Variants in CSRP2 observed in about 807,000 individuals in gnomAD.
CSRP2 encodes cysteine and glycine-rich protein 2.
In CSRP2, 18 loss-of-function variants were observed where a neutral mutation model predicts 24.6. That is an observed-to-expected ratio of 0.73 (90% CI 0.51 to 1.09). CSRP2 has a LOEUF of 1.09. Ranked by LOEUF, CSRP2 falls within the 50% of genes least tolerant of loss-of-function variation. CSRP2 has a pLI of 0.00. For missense variants in CSRP2, 215 were observed against 239.4 expected (o/e 0.90, Z 0.67); for synonymous variants, 87 against 84.3 (o/e 1.03, Z -0.18).
intron 1 of CSRP2, among the ~76,000 whole-genome samples, chr12:76,875,647 T>G (rs1267735027): frequency 6.6e-6 from 1 of 152,236 alleles, no homozygotes; most frequent in African/African-American, 2.4e-5. Context: ...TTTGATCTGC[T>G]AGTTTTCTCA....
intron 1 of CSRP2, among the ~76,000 whole-genome samples, chr12:76,867,810 G>T (rs994266263): frequency 2.0e-5 from 3 of 151,204 alleles, no homozygotes; most frequent in Non-Finnish European, 4.4e-5. Flanking sequence ...GAAACAGAGT[G>T]CTACTAAGTA....
rs369517609 is a variant in CSRP2 at position 76,860,407 on chromosome 12, C to T, written c.288G>A (p.Gln96=). 6 of 1,606,372 alleles carry T rather than the reference C, an allele frequency of 3.7e-6. No homozygotes were observed. Among genetic ancestry groups the T allele is most frequent in the Non-Finnish European group, 5.1e-6 (6 of 1,177,660 alleles). ...TTGGATTTGTTGTAGGCCTGTGAGG[C>T]TGAACACTTGTGAAAAGAGGAAAAA... ...ERLGIKPESV[Q]PHRPTTNPNT... is the part of the protein sequence containing the mutation. Residue 96 remains glutamine (Q), a synonymous_variant, in exon 4 of 6, where the codon CAG becomes CAA. Coordinates refer to ENST00000311083, the MANE Select transcript of CSRP2 (RefSeq NM_001321.3).
At chr12:76,872,095 G>A (rs1487868132) in intron 1 of CSRP2, among the ~76,000 whole-genome samples, 1 of 152,176 alleles carries the variant, frequency 6.6e-6, no homozygotes, top group African/African-American at 2.4e-5. Context: ...ATAAAATAGG[G>A]CAAATTCTGT....
At position 76,873,664 on chromosome 12, in the gene CSRP2, C is replaced by A. The variant is rs988872694; in HGVS notation, c.-2+5274G>T. Among the ~76,000 whole-genome samples, 11 of 152,180 alleles carry A rather than the reference C, an allele frequency of 7.2e-5. 1 individual carries two copies. Among genetic ancestry groups the A allele is most frequent in the Admixed American group, 6.5e-4 (10 of 15,278 alleles). On this transcript the variant is annotated intron_variant, in intron 1 of 5. Coordinates refer to ENST00000311083, the MANE Select transcript of CSRP2 (RefSeq NM_001321.3). ...TTTAGAGAGTTAAGAACAGTACCATCTTTATAGAGTTATAGATGAGGTAAC... is the reference window on the plus strand; with the variant it reads ...TTTAGAGAGTTAAGAACAGTACCATATTTATAGAGTTATAGATGAGGTAAC...
At chr12:76,859,468 TTA>T in intron 5 of CSRP2, 77 bp downstream of exon 5, 1 of 932,354 alleles carries the variant, frequency 1.1e-6, no homozygotes, top group Non-Finnish European at 1.6e-6. Flanking sequence ...TTTTTTTTTT[TTA>T]ATGCCAGTGA....
At chr12:76,864,101 A>G (rs907641397) in intron 2 of CSRP2, 1 of 152,224 alleles carries the variant, frequency 6.6e-6, no homozygotes, top group Non-Finnish European at 1.5e-5. Context: ...CTCTTGCCAC[A>G]GGACATTTCC....
chr12:76,871,763 C>A (rs1299517790), intron 1 of CSRP2, among the ~76,000 whole-genome samples: 8 of 122,912 alleles, frequency 6.5e-5, no homozygotes, highest in Admixed American at 1.6e-4. Flanking sequence ...GACTCCGACT[C>A]AAAAAAAAAA....
At chr12:76,869,578 A>ACACACC (rs1420575005) in intron 1 of CSRP2, among the ~76,000 whole-genome samples, 127 of 138,890 alleles carry the variant, frequency 9.1e-4, no homozygotes, top group Non-Finnish European at 1.7e-3. Flanking sequence ...ACACACACAC[A>ACACACC]CCCCTGACTG....
intron 1 of CSRP2, among the ~76,000 whole-genome samples, chr12:76,877,400 C>A (rs77403310): frequency 0.017 from 2,522 of 152,296 alleles, 21 homozygotes; most frequent in Non-Finnish European, 0.027. Flanking sequence ...CGGAGAAATG[C>A]ATTAAAAATT....
chr12:76,867,495 C>T (rs952479778), intron 1 of CSRP2, among the ~76,000 whole-genome samples: 2 of 151,992 alleles, frequency 1.3e-5, no homozygotes, highest in East Asian at 1.9e-4. Context: ...GGCGACAGAG[C>T]GAGACTCTGA....
chr12:76,867,323 T>C (rs1239628724), intron 1 of CSRP2, among the ~76,000 whole-genome samples: 1 of 131,154 alleles, frequency 7.6e-6, no homozygotes, highest in Non-Finnish European at 1.6e-5. Flanking sequence ...ACCCCGTCTC[T>C]GCTAAATTTA....
In CSRP2 at chr12:76,879,006, G is replaced by A. The variant is rs1953879946; in HGVS notation, c.-70C>T. The A allele has an allele frequency of 6.6e-6, 1 of 152,260 alleles. No homozygotes were observed. The allele number at this position is 152,260 out of a possible 1,614,324, so 9.4% of individuals were successfully genotyped here. On this transcript the variant is annotated 5_prime_UTR_variant, in exon 1 of 6. Coordinates refer to ENST00000311083, the MANE Select transcript of CSRP2 (RefSeq NM_001321.3). ...GGCTGGGCTGGAGGGAGGGTCCAGG[G>A]AGTCCGAGATCCCAGGCGAAGCGCG...
intron 1 of CSRP2, among the ~76,000 whole-genome samples, chr12:76,869,390 C>T (rs1051137149): frequency 6.6e-6 from 1 of 152,140 alleles, no homozygotes; most frequent in Non-Finnish European, 1.5e-5. Flanking sequence ...CATAGCAACC[C>T]CCAACTCCAA....
At position 76,858,998 on chromosome 12, in the gene CSRP2, C is replaced by T; in HGVS notation, c.536G>A (p.Gly179Glu). 2 of 1,614,224 alleles carry T rather than the reference C, an allele frequency of 1.2e-6. No homozygotes were observed. Among genetic ancestry groups the T allele is most frequent in the Non-Finnish European group, 1.7e-6 (2 of 1,180,036 alleles). ...CCCTGCTCCTTGGCCATAGCCAAATCCCTTGGGCCCAAAGTTCTTTGCATA... is the reference window on the plus strand; with the variant it reads ...CCCTGCTCCTTGGCCATAGCCAAATTCCTTGGGCCCAAAGTTCTTTGCATA... The part of the protein sequence containing the change: ...GCYAKNFGPK[G>E]FGYGQGAGAL... The change falls in exon 6 of 6, where the codon GGA (glycine) becomes GAA (glutamate). Residue 179 changes from glycine to glutamate, a missense_variant. By Grantham distance (98) the Gly-to-Glu change is moderately conservative. Coordinates refer to ENST00000311083, the MANE Select transcript of CSRP2 (RefSeq NM_001321.3).
chr12:76,868,937 GAAAAAAA>G (rs980686297), intron 1 of CSRP2, among the ~76,000 whole-genome samples: 1,110 of 61,280 alleles, frequency 0.018, 8 homozygotes, highest in Middle Eastern at 0.058. Context: ...CGCCTCAAAA[GAAAAAAA>G]AAAAAAAAAA....
At chr12:76,878,577 A>G (rs1466765590) in intron 1 of CSRP2, among the ~76,000 whole-genome samples, 1 of 152,246 alleles carries the variant, frequency 6.6e-6, no homozygotes, top group Non-Finnish European at 1.5e-5. Context: ...ACGGCTGCTA[A>G]GAGGCGGATT....
intron 1 of CSRP2, among the ~76,000 whole-genome samples, chr12:76,875,849 A>G (rs1284374998): frequency 1.3e-5 from 2 of 152,244 alleles, no homozygotes; most frequent in East Asian, 1.9e-4. Context: ...AGTAAGCACT[A>G]CCACTATTCT....
At position 76,860,365 on chromosome 12, in the gene CSRP2, A is replaced by G. The variant is rs1335700276; in HGVS notation, c.330T>C (p.Ala110=). Residue 110 remains alanine (A), a synonymous_variant, in exon 4 of 6, where the codon GCT becomes GCC. Transcript: ENST00000311083. The part of the protein sequence containing the change: ...PTTNPNTSKF[A]QKYGGAEKCS... ...ACTTCTCAGCACCTCCATATTTCTG[A>G]GCAAATTTAGAAGTGTTTGGATTTG... The G allele has an allele frequency of 6.2e-7, 1 of 1,614,116 alleles. No individual in the cohort carries two copies. The highest frequency in any genetic ancestry group is 8.5e-7 in the Non-Finnish European group (1 of 1,179,990).
At chr12:76,866,332 C>G (rs1252544169) in intron 1 of CSRP2, 71 bp from the exon 2 acceptor site, 1 of 1,161,594 alleles carries the variant, frequency 8.6e-7, no homozygotes, top group Non-Finnish European at 1.3e-6. Flanking sequence ...CTATTTAAGC[C>G]CAGGGACAGC....
Sources: allele counts gnomAD v4.1 joint callset (sites outside exome capture counted in the v4.1 genomes callset), GRCh38; gene constraint gnomAD v4.1.1; transcripts MANE v1.5; gene names NCBI Gene and HGNC (gene_info 2026-07-23, HGNC 2026-07-21).